Variants in TTC29 observed in about 807,000 individuals in gnomAD.
TTC29 encodes tetratricopeptide repeat domain 29.
A neutral mutation model predicts 58.1 loss-of-function variants in TTC29; 49 were observed. That is an observed-to-expected ratio of 0.84 (90% CI 0.67 to 1.07). The LOEUF (loss-of-function observed/expected upper bound fraction) is 1.07. Among genes scored for constraint, TTC29 ranks in the 50% least tolerant of loss-of-function variants. TTC29 has a pLI of 0.00. For missense variants in TTC29, 582 were observed against 555.6 expected, an observed-to-expected ratio of 1.05 and a Z score of -0.48; for synonymous variants, 209 against 196.8, an observed-to-expected ratio of 1.06 and a Z score of -0.52.
intron 4 of TTC29, among the ~76,000 whole-genome samples, chr4:146,919,971 T>C (rs1734475985): frequency 1.3e-5 from 2 of 151,048 alleles, no homozygotes; most frequent in Admixed American, 1.3e-4. Flanking sequence ...GTTTTGCAAG[T>C]AAAATTCTGT....
At chr4:146,754,349 A>G (rs1055375154) in intron 11 of TTC29, among the ~76,000 whole-genome samples, 2 of 152,208 alleles carry the variant, frequency 1.3e-5, no homozygotes, top group African/African-American at 4.8e-5. Context: ...CAGATAGCAT[A>G]CCAGATAAAT....
intron 6 of TTC29, among the ~76,000 whole-genome samples, chr4:146,890,014 T>C (rs377629540): frequency 2.6e-5 from 4 of 152,154 alleles, no homozygotes; most frequent in Non-Finnish European, 4.4e-5. Context: ...CCACCATTGG[T>C]ATATTTCTTT....
chr4:146,729,157 T>C (rs998166055), intron 11 of TTC29, among the ~76,000 whole-genome samples: 1 of 152,138 alleles, frequency 6.6e-6, no homozygotes, highest in Non-Finnish European at 1.5e-5. Context: ...GTATCTCTTC[T>C]TTTCACTAAT....
At chr4:146,732,342 T>A (rs1579548233) in intron 11 of TTC29, among the ~76,000 whole-genome samples, 1 of 152,190 alleles carries the variant, frequency 6.6e-6, no homozygotes, top group Non-Finnish European at 1.5e-5. Context: ...ATTTGGGGAA[T>A]TTTTGATAAT....
intron 11 of TTC29, among the ~76,000 whole-genome samples, chr4:146,747,243 C>T (rs935850062): frequency 3.9e-5 from 6 of 152,094 alleles, no homozygotes; most frequent in Non-Finnish European, 7.4e-5. Context: ...CTGCTGTGTC[C>T]CCCACCTGGG....
At chr4:146,873,344 G>A in intron 7 of TTC29, among the ~76,000 whole-genome samples, 1 of 151,936 alleles carries the variant, frequency 6.6e-6, no homozygotes, top group East Asian at 1.9e-4. Flanking sequence ...AAAAATGTGG[G>A]GACAAATATT....
chr4:146,736,449 A>G (rs1033359682), intron 11 of TTC29, among the ~76,000 whole-genome samples: 16 of 152,202 alleles, frequency 1.1e-4, no homozygotes, highest in Admixed American at 3.3e-4. Flanking sequence ...TTACTAACAT[A>G]AAACAGAAGG....
intron 11 of TTC29, among the ~76,000 whole-genome samples, chr4:146,737,606 A>C: frequency 2.2e-5 from 3 of 139,430 alleles, no homozygotes; most frequent in South Asian, 2.4e-4. Context: ...GGGGGGGGCT[A>C]CAAACGGGTC....
intron 11 of TTC29, among the ~76,000 whole-genome samples, chr4:146,784,067 G>T (rs1204033202): frequency 1.4e-5 from 2 of 141,958 alleles, no homozygotes; most frequent in South Asian, 2.1e-4. Context: ...TAAGTCTCAG[G>T]TATAGTATAG....
chr4:146,745,721 G>A (rs992243658), intron 11 of TTC29, among the ~76,000 whole-genome samples: 7 of 152,060 alleles, frequency 4.6e-5, no homozygotes, highest in African/African-American at 9.7e-5. Flanking sequence ...TGACTCTTAC[G>A]CTGTTTTCAA....
chr4:146,720,216 T>C (rs934871030), intron 11 of TTC29, among the ~76,000 whole-genome samples: 6 of 152,162 alleles, frequency 3.9e-5, no homozygotes, highest in Non-Finnish European at 8.8e-5. Flanking sequence ...AAAAAGGATT[T>C]AGTAAGACTC....
chr4:146,807,104 A>G (rs991463915), intron 10 of TTC29, among the ~76,000 whole-genome samples: 1 of 152,242 alleles, frequency 6.6e-6, no homozygotes, highest in Non-Finnish European at 1.5e-5. Context: ...CTGCACAACT[A>G]CATGGAAACT....
chr4:146,827,451 C>T (rs1727884868), intron 9 of TTC29, among the ~76,000 whole-genome samples: 1 of 152,184 alleles, frequency 6.6e-6, no homozygotes, highest in Non-Finnish European at 1.5e-5. Flanking sequence ...TATCTCCTTG[C>T]ATAACCTCCC....
chr4:146,872,247 CAT>C (rs1311577815), intron 7 of TTC29, among the ~76,000 whole-genome samples: 2 of 151,956 alleles, frequency 1.3e-5, no homozygotes, highest in Non-Finnish European at 2.9e-5. Context: ...CACACACACA[CAT>C]GAAAATAGAT....
intron 9 of TTC29, among the ~76,000 whole-genome samples, chr4:146,830,466 C>T (rs1312111217): frequency 2.6e-5 from 4 of 152,190 alleles, no homozygotes; most frequent in Non-Finnish European, 5.9e-5. Flanking sequence ...CATGCACGCT[C>T]AGCTGATGGC....
intron 8 of TTC29, among the ~76,000 whole-genome samples, chr4:146,835,537 T>C (rs886420682): frequency 2.6e-5 from 4 of 151,910 alleles, no homozygotes; most frequent in African/African-American, 7.3e-5. Context: ...AGTTCATTTG[T>C]TTTTTTTCAG....
intron 11 of TTC29, among the ~76,000 whole-genome samples, chr4:146,794,431 C>T (rs1749687627): frequency 6.6e-6 from 1 of 152,046 alleles, no homozygotes; most frequent in South Asian, 2.1e-4. Flanking sequence ...GTTTATTTCC[C>T]CTTTTCCATA....
At chr4:146,939,071 T>C (rs1736114249) in intron 3 of TTC29, among the ~76,000 whole-genome samples, 1 of 152,198 alleles carries the variant, frequency 6.6e-6, no homozygotes, top group African/African-American at 2.4e-5. Flanking sequence ...AGGAGCTGAT[T>C]CTTGCCTGCC....
rs373667698 is a variant in TTC29 at position 146,937,544 on chromosome 4, G to A, written c.176+50C>T. ...AATTGAAATTTCAATAAAGAATCAA[G>A]ACAAAAGAAACAAACTTTATATTAA... On this transcript the variant is annotated intron_variant, in intron 4 of 12. Transcript: ENST00000325106. 12 of 1,194,026 alleles carry A rather than the reference G, an allele frequency of 1.0e-5. 1 individual carries two copies. In the South Asian group the frequency reaches 1.8e-4, roughly 18 times the overall value. 74.0% of individuals were successfully genotyped at this position (1,194,026 alleles called of 1,614,324 possible). A position where few individuals can be genotyped will look rare whatever the true frequency, so the allele number is the denominator to read the frequency against.
Sources: gnomAD v4.1 joint callset for allele counts (sites outside exome capture counted in the v4.1 genomes callset) on GRCh38, gnomAD v4.1.1 for gene constraint, MANE v1.5 for transcripts, NCBI Gene and HGNC (gene_info 2026-07-23, HGNC 2026-07-21) for gene names.